MYT1: variants seen among roughly 807,000 people sequenced by gnomAD.
MYT1 encodes myelin transcription factor 1, also known as myelin transcription factor I.
A neutral mutation model predicts 123.0 loss-of-function variants in MYT1; 23 were observed. The ratio of observed to expected loss-of-function variants is 0.19; its 90% CI spans 0.13 to 0.26. The LOEUF (loss-of-function observed/expected upper bound fraction) is 0.26, where lower values mean the gene tolerates loss of function less well. Ranked by LOEUF, MYT1 falls within the 10% of genes least tolerant of loss-of-function variation. The pLI is 1.00. For synonymous variants in MYT1, 518 were observed against 575.3 expected (o/e 0.90, Z 1.43); for missense variants, 1,125 against 1,472.5 (o/e 0.76, Z 3.86).
chr20:64,213,512 C>A lies in MYT1; in HGVS notation c.1518-22C>A, dbSNP rs1983744229. 6.4e-7 allele frequency: 1 copy of A among 1,562,894 alleles called. No homozygotes were observed. Among genetic ancestry groups the A allele is most frequent in the Non-Finnish European group, 8.8e-7 (1 of 1,133,860 alleles). ...AGGCATGGAGGGGAAGGCTCAGAAACCCCTCCTCTTCCTTCCTCTAGTTTG... is the reference window on the plus strand; with the variant it reads ...AGGCATGGAGGGGAAGGCTCAGAAAACCCTCCTCTTCCTTCCTCTAGTTTG... On this transcript the variant is annotated intron_variant, in intron 9 of 22. Coordinates refer to ENST00000328439, the MANE Select transcript of MYT1 (RefSeq NM_004535.3). The surrounding 1 kb of genome is among the most constrained non-coding windows in gnomAD (Gnocchi z 5.6).
chr20:64,235,124 A>C, intron 19 of MYT1, among the ~76,000 whole-genome samples: 1 of 110,124 alleles, frequency 9.1e-6, no homozygotes, highest in African/African-American at 3.6e-5. Context: ...TGGGATGGTC[A>C]TGATGGGTGA....
chr20:64,172,073 G>A lies in MYT1; in HGVS notation c.-99+7334G>A, dbSNP rs569494882. ...TCACCCAGAGGCCAGGCCACCTCTG[G>A]TGTGGGTAAAGCGTTTGTGTTTTCC... On this transcript the variant is annotated intron_variant, in intron 1 of 22. Transcript: ENST00000328439. Among the ~76,000 whole-genome samples the A allele has an allele frequency of 2.8e-4, 43 of 152,310 alleles. No individual in the cohort carries two copies. The South Asian group carries it at 8.9e-3, about 32-fold the overall frequency.
chr20:64,235,687 GTGGTGGTGGGTGA>G (rs1187760380), intron 19 of MYT1, among the ~76,000 whole-genome samples: 22 of 145,486 alleles, frequency 1.5e-4, no homozygotes, highest in South Asian at 2.2e-4. Context: ...CACTGGGCTG[GTGGTGGTGGGTGA>G]CCCTTGGCTG....
At chr20:64,177,774 G>T (rs562685144) in intron 1 of MYT1, among the ~76,000 whole-genome samples, 11 of 152,306 alleles carry the variant, frequency 7.2e-5, no homozygotes, top group Non-Finnish European at 1.5e-4. Context: ...AGGGAGTCCT[G>T]TTCCACCTTC....
At chr20:64,237,125 A>G (rs545740620) in intron 20 of MYT1, among the ~76,000 whole-genome samples, 162 bp from the exon 21 acceptor site, 1 of 152,290 alleles carries the variant, frequency 6.6e-6, no homozygotes, top group East Asian at 1.9e-4. Flanking sequence ...CCAGCGCATA[A>G]TGTGGGGTAT....
chr20:64,198,966 G>C, intron 3 of MYT1, 50 bp downstream of exon 3: 1 of 1,599,146 alleles, frequency 6.3e-7, no homozygotes, highest in Non-Finnish European at 8.6e-7. Flanking sequence ...ACTTTCCTCC[G>C]CGGTCTTCCT....
In MYT1 at chr20:64,232,622, C is replaced by T. The variant is rs1984355802; in HGVS notation, c.2897+237C>T. Among the ~76,000 whole-genome samples, 1 of 152,156 alleles carries T rather than the reference C, an allele frequency of 6.6e-6. No individual in the cohort carries two copies. Among genetic ancestry groups the T allele is most frequent in the Non-Finnish European group, 1.5e-5 (1 of 68,018 alleles). ...TCTCCCCTCATACGCCACCCTTCCA[C>T]ATCCTGATGGAGTCCTTCCTGGCTG... On this transcript the variant is annotated intron_variant, in intron 19 of 22. Transcript: ENST00000328439. This position sits in a 1 kb window ranked among gnomAD's most constrained non-coding sequence, Gnocchi z 6.9.
chr20:64,199,393 C>T, intron 3 of MYT1, among the ~76,000 whole-genome samples: 1 of 152,168 alleles, frequency 6.6e-6, no homozygotes, highest in African/African-American at 2.4e-5. Context: ...CGGGGGCTTC[C>T]TCTTGTGCCC....
In MYT1 at chr20:64,232,035, TC is replaced by T; in HGVS notation, c.2676-126del. The T allele has an allele frequency of 1.1e-6, 1 of 900,904 alleles. No homozygotes were observed. Among genetic ancestry groups the T allele is most frequent in the Non-Finnish European group, 1.7e-6 (1 of 589,454 alleles). 55.8% of individuals were successfully genotyped at this position (900,904 alleles called of 1,614,324 possible). ...TGAGGCTCCAGGACCTCAGCGGCCCTCCCTGCCTCACTCAGAAGCCCTTTAA... is the reference window on the plus strand; with the variant it reads ...TGAGGCTCCAGGACCTCAGCGGCCCTCCTGCCTCACTCAGAAGCCCTTTAA... On this transcript the variant is annotated intron_variant, in intron 18 of 22. Transcript: ENST00000328439. This position sits in a 1 kb window ranked among gnomAD's most constrained non-coding sequence, Gnocchi z 6.9.
rs777552170 is a variant in MYT1, at chr20:64,221,879, C to G, written c.2242-14C>G. 5.6e-6 allele frequency: 9 copies of G among 1,612,158 alleles called. No homozygotes were observed. The highest frequency in any genetic ancestry group is 7.6e-6 in the Non-Finnish European group (9 of 1,179,662). On this transcript the variant is annotated splice_polypyrimidine_tract_variant and intron_variant, in intron 13 of 22. Transcript: ENST00000328439. Reference sequence around the variant, plus strand: ...GCCAGCCGGTTAAAACATCTTCCTGCTGGTTTTTTGCAGTCAGAGCCAGCA... The same window carrying G: ...GCCAGCCGGTTAAAACATCTTCCTGGTGGTTTTTTGCAGTCAGAGCCAGCA...
At chr20:64,205,122 G>A in intron 5 of MYT1, 25 bp downstream of exon 5, 1 of 1,613,054 alleles carries the variant, frequency 6.2e-7, no homozygotes, top group Non-Finnish European at 8.5e-7. Context: ...GGATCTCACG[G>A]AGATTCCTGG....
At chr20:64,235,358 CGTTGTGGGTGACACTGGGCTGGTG>C (rs1984481496) in intron 19 of MYT1, among the ~76,000 whole-genome samples, 1 of 115,452 alleles carries the variant, frequency 8.7e-6, no homozygotes, top group Non-Finnish European at 1.7e-5. Context: ...CTGGGATGGC[CGTTGTGGGTGACACTGGGCTGGTG>C]GTGGTGGGTG....
intron 8 of MYT1, 68 bp from the exon 9 acceptor site, chr20:64,211,980 C>A: frequency 7.4e-7 from 1 of 1,358,916 alleles, no homozygotes; most frequent in Non-Finnish European, 1.0e-6. Flanking sequence ...GCCTGTGCTC[C>A]CCACACAGCT....
chr20:64,237,257 A>T, intron 20 of MYT1, 30 bp from the exon 21 acceptor site: 1 of 1,595,292 alleles, frequency 6.3e-7, no homozygotes, highest in Non-Finnish European at 8.5e-7. Context: ...TGAGGCCCAA[A>T]GCCACAACTG....
At chr20:64,187,021 G>C (rs1414369386) in intron 1 of MYT1, among the ~76,000 whole-genome samples, 10 of 134,702 alleles carry the variant, frequency 7.4e-5, no homozygotes, top group Non-Finnish European at 1.1e-4. Context: ...TCCGTGGAGA[G>C]ATTTCCTGTA....
At chr20:64,236,897 C>A (rs1326728333) in intron 20 of MYT1, among the ~76,000 whole-genome samples, 1 of 152,114 alleles carries the variant, frequency 6.6e-6, no homozygotes, top group African/African-American at 2.4e-5. Flanking sequence ...CTTTGGTGAC[C>A]ACTGGGATCA....
intron 1 of MYT1, among the ~76,000 whole-genome samples, chr20:64,173,285 G>T (rs1315740855): frequency 6.6e-6 from 1 of 152,158 alleles, no homozygotes; most frequent in African/African-American, 2.4e-5. Flanking sequence ...GCCTCAAGCA[G>T]CCCTCGGAGG....
At chr20:64,165,138 T>C (rs972163343) in intron 1 of MYT1, among the ~76,000 whole-genome samples, 1 of 152,044 alleles carries the variant, frequency 6.6e-6, no homozygotes, top group African/African-American at 2.4e-5. Context: ...GGGAGAGCAC[T>C]GGCCGCTTAA....
rs987842758 is a variant in MYT1 at position 64,185,960 on chromosome 20, G to A, written c.-98-4103G>A. On this transcript the variant is annotated intron_variant, in intron 1 of 22. Coordinates refer to ENST00000328439, the MANE Select transcript of MYT1 (RefSeq NM_004535.3). This position sits in a 1 kb window ranked among gnomAD's most constrained non-coding sequence, Gnocchi z 4.5. ...GGGGCCTGGGTCAGGCTGGTCTCCAGTTTGCAGTGCTGCTGAGTTGGAAAA... is the reference window on the plus strand; with the variant it reads ...GGGGCCTGGGTCAGGCTGGTCTCCAATTTGCAGTGCTGCTGAGTTGGAAAA... Among the ~76,000 whole-genome samples, 6 of 152,226 alleles carry A rather than the reference G, an allele frequency of 3.9e-5. No individual in the cohort carries two copies. In the East Asian group the frequency reaches 1.2e-3, roughly 29 times the overall value.
Sources: allele counts gnomAD v4.1 joint callset (sites outside exome capture counted in the v4.1 genomes callset), GRCh38; gene constraint gnomAD v4.1.1; non-coding constraint Gnocchi (gnomAD v3.1); transcripts MANE v1.5; gene names NCBI Gene and HGNC (gene_info 2026-07-23, HGNC 2026-07-21).